Variants in PADI4 observed in about 807,000 individuals in gnomAD.
PADI4 encodes the protein protein-arginine deiminase type-4.
Under a neutral mutation model 75.0 loss-of-function variants are expected in PADI4, and 62 were observed. That is an observed-to-expected ratio of 0.83 (90% CI 0.67 to 1.02). The LOEUF (loss-of-function observed/expected upper bound fraction) is 1.02. PADI4 is among the 50% of genes least tolerant of loss of function. The pLI, the probability that PADI4 is intolerant of heterozygous loss-of-function variation, is 0.00. For synonymous variants in PADI4, 361 were observed against 348.1 expected, an observed-to-expected ratio of 1.04 and a Z score of -0.41; for missense variants, 845 against 850.5, an observed-to-expected ratio of 0.99 and a Z score of 0.08.
chr1:17,330,885 C>T (rs941531476), intron 1 of PADI4, 84 bp from the exon 2 acceptor site: 1 of 877,118 alleles, frequency 1.1e-6, no homozygotes, highest in Non-Finnish European at 1.7e-6. Context: ...TATTAACCAT[C>T]ACAAGGAGAA....
At chr1:17,324,545 C>G (rs931268243) in intron 1 of PADI4, among the ~76,000 whole-genome samples, 6 of 152,174 alleles carry the variant, frequency 3.9e-5, no homozygotes, top group African/African-American at 1.4e-4. Context: ...GTTGCCCTGG[C>G]TGGCCTTGAA....
intron 1 of PADI4, among the ~76,000 whole-genome samples, chr1:17,315,526 C>T (rs2073917212): frequency 6.6e-6 from 1 of 151,992 alleles, no homozygotes; most frequent in Middle Eastern, 3.4e-3. Context: ...AGAGAACATA[C>T]TCAAAAACAT....
rs141582072 is a variant in PADI4, at chr1:17,354,613, G to C, written c.1236G>C (p.Val412=). 376 of 1,614,126 alleles carry C rather than the reference G, an allele frequency of 2.3e-4. 1 individual carries two copies. The East Asian group carries it at 8.0e-3, about 35-fold the overall frequency. The change falls in exon 11 of 16, where the codon GTG becomes GTC. Residue 412 remains valine (V), a synonymous_variant. Transcript: ENST00000375448. ...SGLDSFGNLE[V]SPPVTVRGKE... ...TGGACTCCTTTGGGAACCTGGAAGT[G>C]AGCCCCCCAGTCACAGTCAGGGGCA...
intron 1 of PADI4, among the ~76,000 whole-genome samples, chr1:17,323,217 T>C (rs1299787193): frequency 6.6e-6 from 1 of 152,142 alleles, no homozygotes; most frequent in Admixed American, 6.5e-5. Flanking sequence ...AAATGGCAGC[T>C]TGCTTCATCA....
intron 10 of PADI4, among the ~76,000 whole-genome samples, chr1:17,351,539 G>A (rs549825333): frequency 3.2e-4 from 49 of 151,412 alleles, no homozygotes; most frequent in Admixed American, 7.2e-4. Flanking sequence ...AACCCTGAAG[G>A]GTGAGGCTGC....
intron 1 of PADI4, among the ~76,000 whole-genome samples, chr1:17,318,598 T>C (rs148037267): frequency 0.011 from 1,743 of 152,296 alleles, 41 homozygotes; most frequent in African/African-American, 0.04. Context: ...TCAGACTTCC[T>C]GTGACTTTGA....
chr1:17,353,238 A>C (rs1293615975), intron 10 of PADI4, among the ~76,000 whole-genome samples: 1 of 152,102 alleles, frequency 6.6e-6, no homozygotes, highest in Non-Finnish European at 1.5e-5. Flanking sequence ...CGAGGCAGGA[A>C]GATTGAGCCC....
rs938317554 is a variant in PADI4, at chr1:17,363,828, C to T, written c.*73C>T. On this transcript the variant is annotated 3_prime_UTR_variant, in exon 16 of 16. Coordinates refer to ENST00000375448, the MANE Select transcript of PADI4 (RefSeq NM_012387.3). ...TCCTCTGCAGTGTGGCAAGCAAGAG[C>T]TCTTGTGAATATTGTGGCTCCCTGG... 2 of 1,095,026 alleles carry T rather than the reference C, an allele frequency of 1.8e-6. No homozygotes were observed. The highest frequency in any genetic ancestry group is 3.1e-5 in the African/African-American group (2 of 64,616). The allele number at this position is 1,095,026 out of a possible 1,614,324, so 67.8% of individuals were successfully genotyped here.
chr1:17,310,825 G>T (rs190193656), intron 1 of PADI4, among the ~76,000 whole-genome samples: 1 of 152,074 alleles, frequency 6.6e-6, no homozygotes, highest in South Asian at 2.1e-4. Context: ...TAGACGGGGC[G>T]CAATGGCTCA....
intron 1 of PADI4, 70 bp from the exon 2 acceptor site, chr1:17,330,899 C>A: frequency 3.0e-6 from 3 of 990,280 alleles, no homozygotes; most frequent in Middle Eastern, 2.2e-4. Flanking sequence ...AGGAGAAATG[C>A]TGGGAGAGCC....
chr1:17,334,739 C>A (rs2074280071), intron 3 of PADI4: 2 of 418,238 alleles, frequency 4.8e-6, no homozygotes, highest in Middle Eastern at 7.7e-4. Context: ...TATCAATGAT[C>A]CACCTATACT....
At chr1:17,315,089 G>T (rs1429114595) in intron 1 of PADI4, among the ~76,000 whole-genome samples, 1 of 152,204 alleles carries the variant, frequency 6.6e-6, no homozygotes, top group Non-Finnish European at 1.5e-5. Context: ...GAGGGGACAG[G>T]CAGGGACAGC....
chr1:17,323,375 G>A (rs1343030791), intron 1 of PADI4, among the ~76,000 whole-genome samples: 1 of 152,152 alleles, frequency 6.6e-6, no homozygotes, highest in Non-Finnish European at 1.5e-5. Context: ...CATACTCAAG[G>A]GGAGAGAATT....
chr1:17,352,731 G>A (rs1490514499), intron 10 of PADI4, among the ~76,000 whole-genome samples: 1 of 152,188 alleles, frequency 6.6e-6, no homozygotes. Context: ...TGAGGGGGTG[G>A]GAAGAGGGGA....
intron 5 of PADI4, among the ~76,000 whole-genome samples, chr1:17,338,581 C>A (rs778011919): frequency 3.6e-4 from 55 of 152,246 alleles, no homozygotes; most frequent in Non-Finnish European, 6.2e-4. Context: ...GATCTTCCAA[C>A]ACAAACCTTT....
At chr1:17,308,428 GCCACTGCC>G in intron 1 of PADI4, 114 bp downstream of exon 1, 1 of 775,558 alleles carries the variant, frequency 1.3e-6, no homozygotes, top group Non-Finnish European at 2.1e-6. Context: ...AGCCTCTGCA[GCCACTGCC>G]AGGGGAGTAG....
intron 10 of PADI4, among the ~76,000 whole-genome samples, chr1:17,352,794 G>A (rs1231797597): frequency 1.3e-5 from 2 of 152,198 alleles, no homozygotes; most frequent in Non-Finnish European, 2.9e-5. Context: ...ATCCAAATGG[G>A]AAGTCAAGTG....
chr1:17,342,332 G>A lies in PADI4; in HGVS notation c.865G>A (p.Val289Met), dbSNP rs143220365. ...LPEAVVFQDS[V>M]VFRVAPWIMT... ...CGAGGCTGTGGTGTTCCAAGACAGC[G>A]TGGTCTTCCGCGTGGCGCCCTGGAT... The change falls in exon 8 of 16, where the codon GTG (valine) becomes ATG (methionine). Residue 289 changes from valine (V) to methionine (M), a missense_variant. Coordinates refer to ENST00000375448, the MANE Select transcript of PADI4 (RefSeq NM_012387.3). The A allele has an allele frequency of 6.4e-5, 104 of 1,613,862 alleles. No individual in the cohort carries two copies. The African/African-American group carries it at 8.4e-4, about 13-fold the overall frequency.
chr1:17,361,219 T>C (rs1409398002), intron 15 of PADI4, among the ~76,000 whole-genome samples: 1 of 152,126 alleles, frequency 6.6e-6, no homozygotes, highest in Non-Finnish European at 1.5e-5. Flanking sequence ...TGCATTGACA[T>C]TCTGCAAAAG....
Sources: gnomAD v4.1 joint callset for allele counts (sites outside exome capture counted in the v4.1 genomes callset) on GRCh38, gnomAD v4.1.1 for gene constraint, MANE v1.5 for transcripts, NCBI Gene and HGNC (gene_info 2026-07-23, HGNC 2026-07-21) for gene names.